Variants in TUNAR observed in about 807,000 individuals in gnomAD.
The protein encoded by TUNAR is protein TUNAR.
At chr14:95,923,884 C>A (rs554486727) in exon 3 of TUNAR, 1 of 152,158 alleles carries the variant, frequency 6.6e-6, no homozygotes, top group South Asian at 2.1e-4. Flanking sequence ...TTAGATGCAC[C>A]CTATCTTTAC....
chr14:95,883,556 C>T (rs1889016241), intron 2 of TUNAR, among the ~76,000 whole-genome samples: 1 of 152,252 alleles, frequency 6.6e-6, no homozygotes, highest in Non-Finnish European at 1.5e-5. Flanking sequence ...GCTACTGTTT[C>T]AGTAGGCCTG....
In TUNAR at chr14:95,894,276, C is replaced by T. The variant is rs1380466770; in HGVS notation, c.12+17099C>T. 2.0e-5 allele frequency among the ~76,000 whole-genome samples: 3 copies of T among 152,242 alleles called. No homozygotes were observed. The East Asian group carries it at 5.8e-4, about 29-fold the overall frequency. On this transcript the variant is annotated intron_variant, in intron 2 of 2. Coordinates refer to ENST00000678517, the Ensembl canonical transcript of TUNAR. ...GTCAGAAATTCCCCTCTTTTGGGAT[C>T]AGGCAGTGCATTTGATGTTAACGAG...
At chr14:95,900,889 G>A (rs555545916) in intron 2 of TUNAR, among the ~76,000 whole-genome samples, 2 of 152,340 alleles carry the variant, frequency 1.3e-5, no homozygotes, top group South Asian at 4.1e-4. Flanking sequence ...GCTCGTAAAG[G>A]ACAGATGTAG....
intron 2 of TUNAR, among the ~76,000 whole-genome samples, chr14:95,902,232 C>T (rs1889366893): frequency 6.6e-6 from 1 of 151,810 alleles, no homozygotes; most frequent in South Asian, 2.1e-4. Context: ...TTAGTCTGGA[C>T]AAGTATTGGA....
At chr14:95,882,656 C>G (rs1387530241) in intron 2 of TUNAR, among the ~76,000 whole-genome samples, 1 of 152,124 alleles carries the variant, frequency 6.6e-6, no homozygotes, top group Non-Finnish European at 1.5e-5. Context: ...CAGTGTATTT[C>G]CAGGTGCTTC....
At chr14:95,917,593 G>A (rs1387037019) in intron 2 of TUNAR, among the ~76,000 whole-genome samples, 1 of 152,152 alleles carries the variant, frequency 6.6e-6, no homozygotes. Context: ...GATGTTTTTA[G>A]GATATTGAAT....
intron 2 of TUNAR, among the ~76,000 whole-genome samples, chr14:95,880,404 G>A (rs954268777): frequency 2.6e-5 from 4 of 152,102 alleles, no homozygotes; most frequent in African/African-American, 9.7e-5. Flanking sequence ...TGATTATGCC[G>A]GCTTCCCTAT....
At chr14:95,906,966 G>A (rs1889435554) in intron 2 of TUNAR, among the ~76,000 whole-genome samples, 2 of 152,088 alleles carry the variant, frequency 1.3e-5, no homozygotes, top group Non-Finnish European at 2.9e-5. Context: ...TATTTCTTTT[G>A]CATAAGTGAG....
At chr14:95,922,180 C>A (rs980370208) in intron 2 of TUNAR, among the ~76,000 whole-genome samples, 1 of 152,194 alleles carries the variant, frequency 6.6e-6, no homozygotes, top group Non-Finnish European at 1.5e-5. Context: ...ATGATTGTAG[C>A]AATATCTGTT....
chr14:95,907,990 GCCATGGGTGGGCCTGGAAAAGGCAC>G (rs1212258141), intron 2 of TUNAR, among the ~76,000 whole-genome samples: 1 of 152,190 alleles, frequency 6.6e-6, no homozygotes, highest in Non-Finnish European at 1.5e-5. Context: ...TCCATGGGCA[GCCATGGGTGGGCCTGGAAAAGGCAC>G]CACAAGTCCC....
intron 2 of TUNAR, among the ~76,000 whole-genome samples, chr14:95,921,379 A>G (rs796882930): frequency 3.9e-5 from 6 of 152,336 alleles, no homozygotes; most frequent in East Asian, 1.9e-4. Context: ...GGCCTGGTGC[A>G]CATCACATCA....
intron 2 of TUNAR, among the ~76,000 whole-genome samples, chr14:95,902,532 C>G (rs1889370535): frequency 6.6e-6 from 1 of 152,226 alleles, no homozygotes; most frequent in Admixed American, 6.5e-5. Flanking sequence ...CCACAGCTAG[C>G]ATGGCCAAGC....
At chr14:95,901,744 G>A (rs1051352267) in intron 2 of TUNAR, among the ~76,000 whole-genome samples, 3 of 152,198 alleles carry the variant, frequency 2.0e-5, no homozygotes, top group Non-Finnish European at 2.9e-5. Flanking sequence ...TTCAAAGTAG[G>A]GAGGAGAAAT....
intron 2 of TUNAR, among the ~76,000 whole-genome samples, chr14:95,882,550 C>G (rs902867852): frequency 6.6e-6 from 1 of 152,192 alleles, no homozygotes; most frequent in Admixed American, 6.5e-5. Flanking sequence ...TTCCTAAGTC[C>G]TTCGTGGTGG....
chr14:95,892,577 A>T (rs1235739954), intron 2 of TUNAR, among the ~76,000 whole-genome samples: 1 of 152,184 alleles, frequency 6.6e-6, no homozygotes, highest in Admixed American at 6.5e-5. Context: ...TAGACATTCG[A>T]GCTGGCCTGA....
At chr14:95,907,034 G>T (rs538225828) in intron 2 of TUNAR, among the ~76,000 whole-genome samples, 2 of 152,110 alleles carry the variant, frequency 1.3e-5, no homozygotes, top group African/African-American at 2.4e-5. Context: ...GCATACTGTT[G>T]TATGTTACAT....
At chr14:95,908,407 T>C in intron 2 of TUNAR, among the ~76,000 whole-genome samples, 1 of 152,180 alleles carries the variant, frequency 6.6e-6, no homozygotes. Flanking sequence ...GGAGGCTCTT[T>C]CTCACCAGGC....
At chr14:95,879,249 C>A (rs1244404966) in intron 2 of TUNAR, among the ~76,000 whole-genome samples, 2 of 152,198 alleles carry the variant, frequency 1.3e-5, no homozygotes, top group Non-Finnish European at 2.9e-5. Context: ...ATGAAACGGG[C>A]ATGTCCCACC....
chr14:95,879,012 T>G (rs1184323365), intron 2 of TUNAR, among the ~76,000 whole-genome samples: 1 of 152,206 alleles, frequency 6.6e-6, no homozygotes, highest in African/African-American at 2.4e-5. Flanking sequence ...CTCTTCCAAC[T>G]GCATTGTTTG....
Sources: gnomAD v4.1 joint callset for allele counts (sites outside exome capture counted in the v4.1 genomes callset) on GRCh38, gnomAD v4.1.1 for gene constraint, MANE v1.5 for transcripts, NCBI Gene and HGNC (gene_info 2026-07-23, HGNC 2026-07-21) for gene names.